Variants in NPAS3 observed in about 807,000 individuals in gnomAD.
The protein encoded by NPAS3 is neuronal PAS domain protein 3.
A neutral mutation model predicts 73.1 loss-of-function variants in NPAS3; 14 were observed. The ratio of observed to expected loss-of-function variants is 0.19; its 90% CI spans 0.13 to 0.30. The LOEUF (loss-of-function observed/expected upper bound fraction) is 0.30, where lower values mean the gene tolerates loss of function less well. NPAS3 is among the 10% of genes least tolerant of loss of function. The probability of loss-of-function intolerance (pLI) is 1.00; values close to 1 mark genes in which losing one functional copy is unlikely to be tolerated. For missense variants in NPAS3, 1,096 were observed against 1,250.0 expected (o/e 0.88, Z 1.86); for synonymous variants, 620 against 541.5 (o/e 1.14, Z -2.01).
At chr14:32,944,205 C>A (rs891741885) in intron 1 of NPAS3, among the ~76,000 whole-genome samples, 2 of 152,098 alleles carry the variant, frequency 1.3e-5, no homozygotes, top group African/African-American at 4.8e-5. Flanking sequence ...AGAGGTAGCT[C>A]CTGCCACCTC....
In NPAS3 at chr14:33,633,700, G is replaced by T. The variant is rs114460212; in HGVS notation, c.559-42511G>T. Among the ~76,000 whole-genome samples the T allele has an allele frequency of 3.0e-3, 460 of 152,254 alleles. 3 individuals are homozygous for T. The highest frequency in any genetic ancestry group is 0.011 in the African/African-American group (442 of 41,564). ...GTCCATTGTTGATTGAAACATTATT[G>T]CCAGCAGTAGTGGCTCAAACTATAA... On this transcript the variant is annotated intron_variant, in intron 5 of 11. Transcript: ENST00000356141.
At chr14:33,551,859 C>T (rs572786767) in intron 4 of NPAS3, among the ~76,000 whole-genome samples, 4 of 152,294 alleles carry the variant, frequency 2.6e-5, no homozygotes, top group African/African-American at 7.2e-5. Context: ...GAGCACTCCA[C>T]GCGTTTCCCC....
intron 4 of NPAS3, among the ~76,000 whole-genome samples, chr14:33,501,692 G>A (rs770179802): frequency 6.6e-6 from 1 of 151,268 alleles, no homozygotes; most frequent in African/African-American, 2.4e-5. Flanking sequence ...CATGACTAGG[G>A]TGTTAACAGT....
chr14:33,074,611 T>G (rs2041596013), intron 2 of NPAS3, among the ~76,000 whole-genome samples: 1 of 152,156 alleles, frequency 6.6e-6, no homozygotes, highest in Non-Finnish European at 1.5e-5. Flanking sequence ...GAGATGGGAT[T>G]TCACCATGTT....
chr14:33,363,702 C>G (rs765207207), intron 3 of NPAS3, among the ~76,000 whole-genome samples: 1 of 152,142 alleles, frequency 6.6e-6, no homozygotes, highest in Non-Finnish European at 1.5e-5. Flanking sequence ...TTTTGCAACA[C>G]TAATTCCCTT....
intron 4 of NPAS3, among the ~76,000 whole-genome samples, chr14:33,496,157 G>A (rs1394446299): frequency 6.6e-6 from 1 of 152,040 alleles, no homozygotes; most frequent in Non-Finnish European, 1.5e-5. Context: ...GGAAGAAATC[G>A]AATCCCTGAA....
chr14:33,447,388 G>A (rs1417498697), intron 4 of NPAS3, among the ~76,000 whole-genome samples: 1 of 152,142 alleles, frequency 6.6e-6, no homozygotes, highest in Admixed American at 6.5e-5. Context: ...GTGTGTGTGG[G>A]CGCACGCACG....
intron 4 of NPAS3, among the ~76,000 whole-genome samples, chr14:33,475,168 G>C (rs952524832): frequency 6.6e-6 from 1 of 152,066 alleles, no homozygotes; most frequent in African/African-American, 2.4e-5. Flanking sequence ...TTGATCTAAT[G>C]TGATAAGCTC....
At chr14:33,185,487 CAAAT>C (rs2045945967) in intron 2 of NPAS3, among the ~76,000 whole-genome samples, 1 of 152,142 alleles carries the variant, frequency 6.6e-6, no homozygotes, top group Non-Finnish European at 1.5e-5. Context: ...TGGATCCTAT[CAAAT>C]ATCATTTCCT....
chr14:33,163,145 G>T (rs1319931295), intron 2 of NPAS3, among the ~76,000 whole-genome samples: 3 of 152,172 alleles, frequency 2.0e-5, no homozygotes, highest in African/African-American at 4.8e-5. Flanking sequence ...GCTTTGTTCA[G>T]ACAAGCTATC....
intron 9 of NPAS3, among the ~76,000 whole-genome samples, chr14:33,784,732 TATTTA>T (rs2063092503): frequency 3.9e-5 from 4 of 103,562 alleles, no homozygotes; most frequent in African/African-American, 1.0e-4. Context: ...TTTATTTATT[TATTTA>T]TTTATTTATT....
intron 3 of NPAS3, among the ~76,000 whole-genome samples, chr14:33,299,571 T>C (rs954969911): frequency 6.9e-6 from 1 of 144,430 alleles, no homozygotes; most frequent in African/African-American, 2.6e-5. Flanking sequence ...CATAAAACCC[T>C]ATCTGAAATC....
downstream of NPAS3, chr14:33,803,151 T>C (rs1408973927): frequency 1.3e-5 from 2 of 152,220 alleles, no homozygotes; most frequent in Non-Finnish European, 2.9e-5. Flanking sequence ...AAGCAGTGGG[T>C]GCTTTTCTTT....
chr14:32,975,892 T>TGA (rs200470927), intron 1 of NPAS3, among the ~76,000 whole-genome samples: 5,028 of 120,702 alleles, frequency 0.042, 126 homozygotes, highest in Non-Finnish European at 0.058. Flanking sequence ...TGTGTGTGTG[T>TGA]GTGTGAGAGA....
At chr14:32,942,087 CTT>C (rs2036041996) in intron 1 of NPAS3, among the ~76,000 whole-genome samples, 1 of 152,102 alleles carries the variant, frequency 6.6e-6, no homozygotes, top group Non-Finnish European at 1.5e-5. Flanking sequence ...CAAGTATTTC[CTT>C]GTAGCAGTTG....
At chr14:33,089,312 A>G (rs2042143027) in intron 2 of NPAS3, among the ~76,000 whole-genome samples, 2 of 152,244 alleles carry the variant, frequency 1.3e-5, no homozygotes, top group Admixed American at 6.5e-5. Flanking sequence ...AAGTGACCTG[A>G]TGGAGCTGAA....
intron 2 of NPAS3, among the ~76,000 whole-genome samples, chr14:33,108,195 ATT>A (rs11373741): frequency 0.013 from 1,847 of 140,404 alleles, 38 homozygotes; most frequent in African/African-American, 0.046. Flanking sequence ...TATTGTTCTG[ATT>A]TTTTTTTTTT....
At chr14:33,086,733 T>G (rs527993840) in intron 2 of NPAS3, among the ~76,000 whole-genome samples, 2 of 152,306 alleles carry the variant, frequency 1.3e-5, no homozygotes, top group African/African-American at 4.8e-5. Context: ...TTAAATGAAA[T>G]ATAACTTTCT....
intron 4 of NPAS3, among the ~76,000 whole-genome samples, chr14:33,390,008 T>G (rs1475103026): frequency 1.3e-5 from 2 of 151,154 alleles, no homozygotes; most frequent in East Asian, 2.0e-4. Flanking sequence ...GGAAAGAATT[T>G]TATTCTTCAG....
Sources: gnomAD v4.1 joint callset for allele counts (sites outside exome capture counted in the v4.1 genomes callset) on GRCh38, gnomAD v4.1.1 for gene constraint, MANE v1.5 for transcripts, NCBI Gene and HGNC (gene_info 2026-07-23, HGNC 2026-07-21) for gene names.